HLCS: variants seen among roughly 807,000 people sequenced by gnomAD.
HLCS encodes biotin--protein ligase.
HLCS carries 53 observed loss-of-function variants against 75.0 expected under a neutral mutation model. That is an observed-to-expected ratio of 0.71 (90% CI 0.57 to 0.89). The LOEUF (loss-of-function observed/expected upper bound fraction) is 0.89, where lower values mean the gene tolerates loss of function less well. Ranked by LOEUF, HLCS falls within the 40% of genes least tolerant of loss-of-function variation. The pLI is 0.00. For synonymous variants in HLCS, 431 were observed against 428.6 expected, an observed-to-expected ratio of 1.01 and a Z score of -0.07; for missense variants, 966 against 1,074.0, an observed-to-expected ratio of 0.90 and a Z score of 1.41.
chr21:36,782,521 C>G (rs1433342048), intron 6 of HLCS, among the ~76,000 whole-genome samples: 2 of 152,206 alleles, frequency 1.3e-5, no homozygotes, highest in African/African-American at 4.8e-5. Context: ...CTTAAGAGGT[C>G]TGGACCAGTT....
Position 36,904,142 on chromosome 21 carries a change from G to A in HLCS, c.1621-7011C>T, listed in dbSNP as rs115829515. Among the ~76,000 whole-genome samples, 572 of 152,190 alleles carry A rather than the reference G, an allele frequency of 3.8e-3. 5 individuals are homozygous for A. The highest frequency in any genetic ancestry group is 0.013 in the African/African-American group (547 of 41,528). ...GTATTCTGTTATAGCAACAGAAAAC[G>A]GACTAAGAGAGATGCATACACATAA... On this transcript the variant is annotated intron_variant, in intron 5 of 10. Coordinates refer to ENST00000674895, the MANE Select transcript of HLCS (RefSeq NM_001352514.2).
chr21:36,980,005 C>A (rs1223386050), intron 1 of HLCS, among the ~76,000 whole-genome samples: 1 of 117,882 alleles, frequency 8.5e-6, no homozygotes, highest in African/African-American at 3.4e-5. Flanking sequence ...CCAGCCTGGG[C>A]GACAGAGCAA....
intron 6 of HLCS, among the ~76,000 whole-genome samples, chr21:36,833,970 T>C (rs954881323): frequency 6.6e-6 from 1 of 152,208 alleles, no homozygotes. Context: ...AGGTTGGAAC[T>C]GCATGGGTCC....
In HLCS at chr21:36,753,348, AGAGTAAAT is replaced by A. The variant is rs1288859690; in HGVS notation, c.*890_*897del. The A allele has an allele frequency of 1.3e-5, 2 of 152,210 alleles. No individual in the cohort carries two copies. Among genetic ancestry groups the A allele is most frequent in the African/African-American group, 2.4e-5 (1 of 41,424 alleles). 9.4% of individuals were successfully genotyped at this position (152,210 alleles called of 1,614,324 possible). A position where few individuals can be genotyped will look rare whatever the true frequency, so the allele number is the denominator to read the frequency against. Reference sequence around the variant, plus strand: ...GTCTTGCAGGAATGCTCCACATTTCAGAGTAAATCTGAAACTGGCTTAAAAGCTCCAAA... The same window carrying A: ...GTCTTGCAGGAATGCTCCACATTTCACTGAAACTGGCTTAAAAGCTCCAAA... On this transcript the variant is annotated 3_prime_UTR_variant, in exon 11 of 11. Coordinates refer to ENST00000674895, the MANE Select transcript of HLCS (RefSeq NM_001352514.2). The surrounding 1 kb of genome is among the most constrained non-coding windows in gnomAD (Gnocchi z 4.3).
chr21:36,830,183 G>GC (rs1208710694), intron 6 of HLCS, among the ~76,000 whole-genome samples: 2 of 152,140 alleles, frequency 1.3e-5, no homozygotes, highest in Non-Finnish European at 2.9e-5. Flanking sequence ...CCGGAACAGA[G>GC]CCTCTCTCAC....
At chr21:36,971,489 G>A (rs2068787067), upstream of HLCS, among the ~76,000 whole-genome samples, 2 of 152,118 alleles carry the variant, frequency 1.3e-5, no homozygotes, top group African/African-American at 2.4e-5. Context: ...AAATCAGGAC[G>A]ATTTGAGTAT....
chr21:36,826,876 G>A (rs2146029494), intron 6 of HLCS, among the ~76,000 whole-genome samples: 1 of 152,294 alleles, frequency 6.6e-6, no homozygotes, highest in Non-Finnish European at 1.5e-5. Flanking sequence ...ATTCAAAAGA[G>A]AGAAAGAGGG....
At chr21:36,923,683 G>A (rs970812498) in intron 5 of HLCS, among the ~76,000 whole-genome samples, 9 of 152,160 alleles carry the variant, frequency 5.9e-5, no homozygotes, top group East Asian at 3.8e-4. Flanking sequence ...TAAAAAGACA[G>A]GACACACAGT....
chr21:36,883,955 G>A (rs942550910), intron 6 of HLCS, among the ~76,000 whole-genome samples: 7 of 152,158 alleles, frequency 4.6e-5, no homozygotes, highest in East Asian at 1.9e-4. Flanking sequence ...CCACAGCCCC[G>A]AAAAGCCGGC....
intron 6 of HLCS, among the ~76,000 whole-genome samples, chr21:36,819,310 A>T (rs1297944623): frequency 1.3e-5 from 2 of 152,246 alleles, no homozygotes; most frequent in East Asian, 3.8e-4. Context: ...GGGTGTGGGC[A>T]TGGGAGGATG....
At chr21:36,784,547 C>T (rs1162828720) in intron 6 of HLCS, among the ~76,000 whole-genome samples, 1 of 152,018 alleles carries the variant, frequency 6.6e-6, no homozygotes, top group Non-Finnish European at 1.5e-5. Flanking sequence ...AACTCCTGAC[C>T]TCAGGTGATC....
At chr21:36,790,423 CAAAA>C (rs2060826463) in intron 6 of HLCS, among the ~76,000 whole-genome samples, 1 of 151,732 alleles carries the variant, frequency 6.6e-6, no homozygotes. Context: ...AACAAACAAA[CAAAA>C]AAACATTTTG....
chr21:36,874,414 T>TA (rs1393063915), intron 6 of HLCS, among the ~76,000 whole-genome samples: 1 of 146,752 alleles, frequency 6.8e-6, no homozygotes, highest in Non-Finnish European at 1.5e-5. Flanking sequence ...AAAAATAAAA[T>TA]AAAATAAAAT....
At chr21:36,809,413 G>A (rs960673376) in intron 6 of HLCS, among the ~76,000 whole-genome samples, 3 of 151,908 alleles carry the variant, frequency 2.0e-5, no homozygotes, top group Non-Finnish European at 4.4e-5. Flanking sequence ...AACCAGCGTG[G>A]GATTTTTAAA....
chr21:36,754,200 G>C lies in HLCS; in HGVS notation c.*46C>G, dbSNP rs777271467. 6 of 1,587,894 alleles carry C rather than the reference G, an allele frequency of 3.8e-6. No homozygotes were observed. In the South Asian group the frequency reaches 6.7e-5, roughly 18 times the overall value. On this transcript the variant is annotated 3_prime_UTR_variant, in exon 11 of 11. Transcript: ENST00000674895. ...CCTACAACTCTAAATTAGATTTCCA[G>C]ATGCATGGGCACGGACAGGCAGCCG...
chr21:36,823,610 G>GGGGTGTGTGTGTGTGTGT (rs372824950), intron 6 of HLCS, among the ~76,000 whole-genome samples: 72 of 132,834 alleles, frequency 5.4e-4, no homozygotes, highest in South Asian at 1.4e-3. Flanking sequence ...AAACGTGCAG[G>GGGGTGTGTGTGTGTGTGT]GTGTGTGTGT....
At chr21:36,957,935 A>C (rs545555235) in intron 2 of HLCS, among the ~76,000 whole-genome samples, 45 of 149,452 alleles carry the variant, frequency 3.0e-4, no homozygotes, top group Non-Finnish European at 4.1e-4. Context: ...TCTCGAAAAA[A>C]AAAAAAAAGA....
chr21:36,771,812 A>G (rs2060216618), intron 6 of HLCS, among the ~76,000 whole-genome samples: 1 of 152,118 alleles, frequency 6.6e-6, no homozygotes, highest in African/African-American at 2.4e-5. Flanking sequence ...CAGCTGGCCA[A>G]CATGGTGAAA....
intron 6 of HLCS, among the ~76,000 whole-genome samples, chr21:36,794,257 T>C (rs975679334): frequency 1.4e-4 from 21 of 152,088 alleles, no homozygotes; most frequent in African/African-American, 5.1e-4. Context: ...TGCAAGGCGG[T>C]GGGAGAGAGA....
Sources: allele counts gnomAD v4.1 joint callset (sites outside exome capture counted in the v4.1 genomes callset), GRCh38; gene constraint gnomAD v4.1.1; non-coding constraint Gnocchi (gnomAD v3.1); transcripts MANE v1.5; gene names NCBI Gene and HGNC (gene_info 2026-07-23, HGNC 2026-07-21).